BCL2L1: variants seen among roughly 807,000 people sequenced by gnomAD.
BCL2L1 encodes the protein BCL2 like 1, also known as bcl-2-like protein 1.
A neutral mutation model predicts 18.7 loss-of-function variants in BCL2L1; 1 was observed. The observed-to-expected ratio is 0.05, with a 90% CI of 0.02 to 0.25. The LOEUF (loss-of-function observed/expected upper bound fraction) is 0.25, where lower values mean the gene tolerates loss of function less well. BCL2L1 is among the 10% of genes least tolerant of loss of function. The pLI is 1.00. For missense variants in BCL2L1, 207 were observed against 304.9 expected (o/e 0.68, Z 2.39); for synonymous variants, 103 against 122.7 (o/e 0.84, Z 1.06).
At position 31,721,763 on chromosome 20, in the gene BCL2L1, C is replaced by T. The variant is rs761080342; in HGVS notation, c.456G>A (p.Val152=). 7.7e-5 allele frequency: 124 copies of T among 1,614,052 alleles called. 1 individual carries two copies. In the East Asian group the frequency reaches 2.6e-3, roughly 34 times the overall value. Residue 152 remains valine (V), a synonymous_variant, in exon 2 of 3, where the codon GTG becomes GTA. Coordinates refer to ENST00000307677, the MANE Select transcript of BCL2L1 (RefSeq NM_138578.3). ...AFFSFGGALC[V]ESVDKEMQVL... is the part of the protein sequence containing the mutation. ...CCTGCATCTCCTTGTCTACGCTTTC[C>T]ACGCACAGTGCCCCGCCGAAGGAGA...
intron 2 of BCL2L1, among the ~76,000 whole-genome samples, chr20:31,694,574 C>T (rs187595092): frequency 1.3e-5 from 2 of 152,116 alleles, no homozygotes; most frequent in East Asian, 3.9e-4. Context: ...TTCCAGAGGA[C>T]CTTGAGGCCC....
chr20:31,697,224 A>G (rs1023246687), intron 2 of BCL2L1, among the ~76,000 whole-genome samples: 2 of 152,140 alleles, frequency 1.3e-5, no homozygotes, highest in Non-Finnish European at 2.9e-5. Flanking sequence ...GGAGTGCTCA[A>G]TGGATGGTAG....
chr20:31,717,585 G>C (rs145494837), intron 2 of BCL2L1, among the ~76,000 whole-genome samples: 1 of 152,172 alleles, frequency 6.6e-6, no homozygotes, highest in Non-Finnish European at 1.5e-5. Flanking sequence ...TTTGGGACCC[G>C]AATGAGATTA....
rs530708994 is a variant in BCL2L1 at position 31,709,682 on chromosome 20, A to C, written c.564+11973T>G. On this transcript the variant is annotated intron_variant, in intron 2 of 2. Transcript: ENST00000307677. ...CCCCGTCTCTACTAAAAATACAAAA[A>C]AAATTAGCCGGGCCTGGTGGCGGGC... Among the ~76,000 whole-genome samples, 6 of 151,724 alleles carry C rather than the reference A, an allele frequency of 4.0e-5. No homozygotes were observed. The South Asian group carries it at 1.3e-3, about 32-fold the overall frequency.
chr20:31,695,947 A>G (rs1392895326), intron 2 of BCL2L1, among the ~76,000 whole-genome samples: 1 of 151,792 alleles, frequency 6.6e-6, no homozygotes, highest in African/African-American at 2.4e-5. Flanking sequence ...ACTACCTCAC[A>G]TGTTATTTAT....
At chr20:31,706,834 C>G (rs2061375222) in intron 2 of BCL2L1, among the ~76,000 whole-genome samples, 2 of 152,156 alleles carry the variant, frequency 1.3e-5, no homozygotes, top group African/African-American at 2.4e-5. Flanking sequence ...TCTCTTTGGG[C>G]CTCCCTGCTA....
Position 31,720,227 on chromosome 20 carries a change from G to A in BCL2L1, c.564+1428C>T, listed in dbSNP as rs147306986. 1.3e-3 allele frequency: 1,229 copies of A among 911,908 alleles called. 10 individuals carry two copies. The African/African-American group carries it at 0.018, about 14-fold the overall frequency. The allele number at this position is 911,908 out of a possible 1,614,324, so 56.5% of individuals were successfully genotyped here. A position where few individuals can be genotyped will look rare whatever the true frequency, so the allele number is the denominator to read the frequency against. ...TTGCAAAGAAATGCAAAATGAGAGA[G>A]GGGGTGGGGTTCCAGGGCAAACTCA... On this transcript the variant is annotated intron_variant, in intron 2 of 2. Transcript: ENST00000307677.
intron 2 of BCL2L1, among the ~76,000 whole-genome samples, chr20:31,689,288 GAGGGA>G: frequency 9.9e-6 from 1 of 100,868 alleles, no homozygotes; most frequent in African/African-American, 3.8e-5. Flanking sequence ...CAGGGGAGGG[GAGGGA>G]AGGAAGAAAG....
At chr20:31,710,337 A>T (rs903501436) in intron 2 of BCL2L1, among the ~76,000 whole-genome samples, 2 of 152,240 alleles carry the variant, frequency 1.3e-5, no homozygotes, top group Admixed American at 6.5e-5. Context: ...AGGATGAGTG[A>T]TACAGGCAGA....
At chr20:31,701,082 T>G (rs1258334220) in intron 2 of BCL2L1, among the ~76,000 whole-genome samples, 4 of 150,856 alleles carry the variant, frequency 2.7e-5, no homozygotes, top group African/African-American at 4.9e-5. Context: ...GGAGACGGAG[T>G]CTTGCTCTGT....
chr20:31,687,421 GC>G (rs1190757703), intron 2 of BCL2L1, among the ~76,000 whole-genome samples: 33 of 151,968 alleles, frequency 2.2e-4, no homozygotes, highest in Admixed American at 1.4e-3. Context: ...GGAGGCGTCG[GC>G]CTCCCAAAGG....
At chr20:31,691,100 C>T (rs2122622030) in intron 2 of BCL2L1, among the ~76,000 whole-genome samples, 1 of 118,984 alleles carries the variant, frequency 8.4e-6, no homozygotes, top group Non-Finnish European at 1.6e-5. Flanking sequence ...TTGCAGTGAG[C>T]CGAGATCATG....
chr20:31,720,046 C>A, intron 2 of BCL2L1: 1 of 954,168 alleles, frequency 1.0e-6, no homozygotes, highest in Non-Finnish European at 1.2e-6. Context: ...ATCATTTATC[C>A]CCCTAGAGAG....
At position 31,718,014 on chromosome 20, in the gene BCL2L1, A is replaced by G. The variant is rs2061564521; in HGVS notation, c.564+3641T>C. Among the ~76,000 whole-genome samples the G allele has an allele frequency of 2.0e-5, 3 of 152,240 alleles. 1 individual carries two copies. In the South Asian group the frequency reaches 6.2e-4, roughly 31 times the overall value. ...TTCTCAAGGAGAAACTCTAGGGGGA[A>G]GAGTCAGTTCTCTGAGGGAAGCTGC... On this transcript the variant is annotated intron_variant, in intron 2 of 2. Transcript: ENST00000307677.
chr20:31,712,008 T>C (rs775123801), intron 2 of BCL2L1, among the ~76,000 whole-genome samples: 1 of 152,124 alleles, frequency 6.6e-6, no homozygotes, highest in East Asian at 1.9e-4. Flanking sequence ...AACACCTACT[T>C]TGCAAGATTT....
intron 2 of BCL2L1, among the ~76,000 whole-genome samples, chr20:31,674,978 G>T (rs2060736292): frequency 6.6e-6 from 1 of 152,102 alleles, no homozygotes; most frequent in Non-Finnish European, 1.5e-5. Flanking sequence ...TGTCAAGGAG[G>T]GTAAAGTAGC....
rs116964685 is a variant in BCL2L1, at chr20:31,683,124, T to C, written c.565-17038A>G. ...CTCAAAACCCTCCACTGCCTTCCCA[T>C]CTCACCCAGAGGAAGAACCAAAATG... On this transcript the variant is annotated intron_variant, in intron 2 of 2. Transcript: ENST00000307677. Among the ~76,000 whole-genome samples the C allele has an allele frequency of 7.0e-3, 1,069 of 152,258 alleles. 3 individuals carry two copies. Among genetic ancestry groups the C allele is most frequent in the Non-Finnish European group, 0.012 (794 of 68,018 alleles).
intron 2 of BCL2L1, among the ~76,000 whole-genome samples, chr20:31,718,115 A>C (rs1330885496): frequency 6.6e-6 from 1 of 152,228 alleles, no homozygotes; most frequent in Admixed American, 6.5e-5. Flanking sequence ...ACTCGAGTCA[A>C]GCTATGGCAG....
chr20:31,673,506 T>A (rs1308783042), intron 2 of BCL2L1, among the ~76,000 whole-genome samples: 1 of 138,804 alleles, frequency 7.2e-6, no homozygotes, highest in African/African-American at 2.7e-5. Flanking sequence ...AAAAAAAAAA[T>A]TAGCTGGGTG....
Sources: gnomAD v4.1 joint callset for allele counts (sites outside exome capture counted in the v4.1 genomes callset) on GRCh38, gnomAD v4.1.1 for gene constraint, MANE v1.5 for transcripts, NCBI Gene and HGNC (gene_info 2026-07-23, HGNC 2026-07-21) for gene names.